DHRS12: variants seen among roughly 807,000 people sequenced by gnomAD.
DHRS12 encodes the protein dehydrogenase/reductase SDR family member 12.
Under a neutral mutation model 32.1 loss-of-function variants are expected in DHRS12, and 29 were observed. The observed-to-expected ratio is 0.90, with a 90% CI of 0.67 to 1.23. The LOEUF (loss-of-function observed/expected upper bound fraction) is 1.23, where lower values mean the gene tolerates loss of function less well. Among genes scored for constraint, DHRS12 ranks in the 50% most tolerant of loss-of-function variants. DHRS12 has a pLI of 0.00. For synonymous variants in DHRS12, 150 were observed against 135.9 expected (o/e 1.10, Z -0.72); for missense variants, 330 against 337.2 (o/e 0.98, Z 0.17).
intron 4 of DHRS12, among the ~76,000 whole-genome samples, chr13:51,787,725 T>C (rs181318634): frequency 0.014 from 1,912 of 132,170 alleles, 48 homozygotes; most frequent in African/African-American, 0.05. Context: ...ATATAAAACA[T>C]ATATACATAT....
chr13:51,757,577 TCTGTGGAAGCA>T, the DHRS12 span, among the ~76,000 whole-genome samples: 2 of 151,660 alleles, frequency 1.3e-5, no homozygotes, highest in African/African-American at 4.9e-5. Context: ...CTGCCTCTTC[TCTGTGGAAGCA>T]CTTGCATTGC....
chr13:51,794,375 T>TG (rs1228104753), intron 2 of DHRS12, among the ~76,000 whole-genome samples: 1 of 152,124 alleles, frequency 6.6e-6, no homozygotes, highest in Non-Finnish European at 1.5e-5. Context: ...AAACAGTGCA[T>TG]GGAGGTGTTT....
At chr13:51,768,574 C>T in intron 8 of DHRS12, 1 of 1,289,490 alleles carries the variant, frequency 7.8e-7, no homozygotes, top group Non-Finnish European at 9.9e-7. Context: ...TCCCGGATAC[C>T]CCAGGGGTCA....
chr13:51,777,090 A>G lies in DHRS12; in HGVS notation c.333T>C (p.Pro111=). Residue 111 remains proline (P), a synonymous_variant, in exon 5 of 9, where the codon CCT becomes CCC. Transcript: ENST00000444610. Reference sequence around the variant, plus strand: ...GGGGGTCGTGTTCTTTCTCCAGCACAGGGATCAGGCCGGTCGTGAGAATGT... The same window carrying G: ...GGGGGTCGTGTTCTTTCTCCAGCACGGGGATCAGGCCGGTCGTGAGAATGT... ...GVYILTTGLI[P]VLEKEHDPRV... 6.2e-7 allele frequency: 1 copy of G among 1,614,158 alleles called. No homozygotes were observed. Among genetic ancestry groups the G allele is most frequent in the Non-Finnish European group, 8.5e-7 (1 of 1,180,042 alleles).
At chr13:51,783,678 C>T (rs1192217785) in intron 4 of DHRS12, among the ~76,000 whole-genome samples, 2 of 152,168 alleles carry the variant, frequency 1.3e-5, no homozygotes, top group African/African-American at 4.8e-5. Flanking sequence ...TCCCTAATCC[C>T]GCCCCTGCAG....
intron 5 of DHRS12, chr13:51,776,384 T>C: frequency 6.6e-6 from 1 of 152,330 alleles, no homozygotes; most frequent in Non-Finnish European, 1.5e-5. Context: ...TCTGCTTCCA[T>C]AGTCACTTCT....
intron 4 of DHRS12, among the ~76,000 whole-genome samples, chr13:51,788,038 G>A (rs1006737590): frequency 8.0e-5 from 12 of 150,084 alleles, no homozygotes; most frequent in African/African-American, 2.5e-4. Flanking sequence ...GGATGGGTGA[G>A]CAAGAGCTGG....
chr13:51,772,841 G>C (rs1433146800), intron 6 of DHRS12: 2 of 985,320 alleles, frequency 2.0e-6, no homozygotes, highest in Admixed American at 1.2e-4. Context: ...TCAAATGTCA[G>C]GATTTGGAGT....
At chr13:51,774,097 C>A in intron 5 of DHRS12, 63 bp from the exon 6 acceptor site, 1 of 1,484,064 alleles carries the variant, frequency 6.7e-7, no homozygotes, top group Non-Finnish European at 9.4e-7. Context: ...TCTTCACCCC[C>A]TGTAGAGCAG....
intron 4 of DHRS12, among the ~76,000 whole-genome samples, chr13:51,777,590 G>A (rs1954498470): frequency 1.3e-5 from 2 of 152,158 alleles, no homozygotes; most frequent in East Asian, 1.9e-4. Context: ...ATAACTTTAT[G>A]GTTATTTCTT....
chr13:51,797,751 G>C (rs182735812), intron 2 of DHRS12: 1 of 1,414,588 alleles, frequency 7.1e-7, no homozygotes, highest in Non-Finnish European at 9.6e-7. Flanking sequence ...CAGGGAAAGC[G>C]GGTAGGAGTC....
At chr13:51,757,783 A>G in the DHRS12 span, among the ~76,000 whole-genome samples, 1 of 151,928 alleles carries the variant, frequency 6.6e-6, no homozygotes, top group Non-Finnish European at 1.5e-5. Flanking sequence ...TAGTTTTCCT[A>G]TTAGAATGAC....
At chr13:51,801,301 C>T (rs1295830651) in intron 1 of DHRS12, among the ~76,000 whole-genome samples, 1 of 152,178 alleles carries the variant, frequency 6.6e-6, no homozygotes, top group African/African-American at 2.4e-5. Flanking sequence ...ATTCTCCTGT[C>T]TCAGCCTCCT....
At chr13:51,802,197 A>G (rs1214962891) in intron 1 of DHRS12, among the ~76,000 whole-genome samples, 1 of 142,774 alleles carries the variant, frequency 7.0e-6, no homozygotes, top group Non-Finnish European at 1.5e-5. Context: ...ACACACACAC[A>G]CACACACACA....
intron 7 of DHRS12, among the ~76,000 whole-genome samples, chr13:51,770,322 C>T (rs1432415676): frequency 6.6e-6 from 1 of 152,166 alleles, no homozygotes; most frequent in African/African-American, 2.4e-5. Flanking sequence ...GTTGTGTGCA[C>T]CTGAGAGCTG....
intron 4 of DHRS12, 48 bp downstream of exon 4, chr13:51,789,963 T>C: frequency 6.4e-7 from 1 of 1,557,132 alleles, no homozygotes; most frequent in South Asian, 1.2e-5. Context: ...TATGGTACAT[T>C]CTATGTTTAT....
rs1955889431 is a variant in DHRS12 at position 51,804,162 on chromosome 13, C to T, written c.-117G>A. ...CCGCGCTCCCGGCGCGGCCTCCGCC[C>T]TGGTCCCGCCCCCCGGGAGTCGCCC... is the stretch of plus-strand genomic sequence containing the variant. On this transcript the variant is annotated 5_prime_UTR_variant, in exon 1 of 9. Transcript: ENST00000444610. 5.7e-6 allele frequency: 8 copies of T among 1,413,492 alleles called. No homozygotes were observed. The Admixed American group carries it at 1.2e-4, about 22-fold the overall frequency. 87.6% of individuals were successfully genotyped at this position (1,413,492 alleles called of 1,614,324 possible).
At chr13:51,801,735 A>C (rs549804549) in intron 1 of DHRS12, among the ~76,000 whole-genome samples, 61 of 152,198 alleles carry the variant, frequency 4.0e-4, no homozygotes, top group Non-Finnish European at 5.9e-5. Flanking sequence ...ATTGTGGGGA[A>C]TGAGTGAGAA....
Position 51,804,133 on chromosome 13 carries a change from C to G in DHRS12, c.-88G>C. ...ATGCCGGGAGCGCCCCACGCCTAGC[C>G]CCACCGCGCTCCCGGCGCGGCCTCC... On this transcript the variant is annotated 5_prime_UTR_variant, in exon 1 of 9. Transcript: ENST00000444610. The G allele has an allele frequency of 6.9e-7, 1 of 1,458,990 alleles. No individual in the cohort carries two copies. 90.4% of individuals were successfully genotyped at this position (1,458,990 alleles called of 1,614,324 possible). A position where few individuals can be genotyped will look rare whatever the true frequency, so the allele number is the denominator to read the frequency against.
Sources: allele counts gnomAD v4.1 joint callset (sites outside exome capture counted in the v4.1 genomes callset), GRCh38; gene constraint gnomAD v4.1.1; transcripts MANE v1.5; gene names NCBI Gene and HGNC (gene_info 2026-07-23, HGNC 2026-07-21).